CHST9: variants seen among roughly 807,000 people sequenced by gnomAD.
The protein encoded by CHST9 is GalNAc-4-sulfotransferase 2.
CHST9 carries 41 observed loss-of-function variants against 44.4 expected under a neutral mutation model. The ratio of observed to expected loss-of-function variants is 0.92; its 90% CI spans 0.72 to 1.20. The LOEUF (loss-of-function observed/expected upper bound fraction) is 1.20. Ranked by LOEUF, CHST9 falls within the 50% of genes most tolerant of loss-of-function variation. The pLI, the probability that CHST9 is intolerant of heterozygous loss-of-function variation, is 0.00. For synonymous variants in CHST9, 171 were observed against 178.4 expected (o/e 0.96, Z 0.33); for missense variants, 504 against 516.5 (o/e 0.98, Z 0.23).
chr18:27,071,274 C>G (rs1252224759), intron 2 of CHST9, among the ~76,000 whole-genome samples: 2 of 152,154 alleles, frequency 1.3e-5, no homozygotes, highest in Non-Finnish European at 2.9e-5. Flanking sequence ...TGATACACAT[C>G]AGTATTTCAT....
intron 2 of CHST9, among the ~76,000 whole-genome samples, chr18:27,104,705 A>G (rs893109330): frequency 4.6e-5 from 7 of 152,220 alleles, no homozygotes; most frequent in Admixed American, 3.9e-4. Flanking sequence ...CACTTTCCAT[A>G]AACTTTCAAA....
intron 2 of CHST9, among the ~76,000 whole-genome samples, chr18:27,088,628 G>T (rs2058036251): frequency 6.6e-6 from 1 of 151,950 alleles, no homozygotes; most frequent in South Asian, 2.1e-4. Flanking sequence ...TCTTGACCTC[G>T]TGATCTGCCC....
intron 2 of CHST9, among the ~76,000 whole-genome samples, chr18:27,087,850 C>T (rs1442765071): frequency 6.6e-6 from 1 of 152,182 alleles, no homozygotes; most frequent in African/African-American, 2.4e-5. Flanking sequence ...GAGAGCTTCT[C>T]CCGTACACTT....
At chr18:27,008,739 G>A (rs1017933955) in intron 4 of CHST9, among the ~76,000 whole-genome samples, 4 of 151,972 alleles carry the variant, frequency 2.6e-5, no homozygotes, top group Non-Finnish European at 5.9e-5. Context: ...TACCTATCTC[G>A]GTTGCTTTCT....
At chr18:27,033,953 T>C (rs761906538) in intron 3 of CHST9, among the ~76,000 whole-genome samples, 5 of 152,166 alleles carry the variant, frequency 3.3e-5, no homozygotes, top group Admixed American at 2.0e-4. Context: ...CTCCATTACT[T>C]ACATGTCATC....
chr18:26,925,884 T>C (rs2055757504), intron 5 of CHST9: 2 of 152,226 alleles, frequency 1.3e-5, no homozygotes, highest in Non-Finnish European at 1.5e-5. Context: ...TTTTTTATTC[T>C]GCTTTTTTCA....
At chr18:27,052,308 G>A (rs12959984) in intron 2 of CHST9, among the ~76,000 whole-genome samples, 1 of 143,748 alleles carries the variant, frequency 7.0e-6, no homozygotes. Context: ...ATGTATATAT[G>A]TGTGTATATA....
intron 4 of CHST9, among the ~76,000 whole-genome samples, chr18:26,969,366 C>CTGTGTGTGTGTG (rs1247934551): frequency 7.0e-5 from 7 of 99,406 alleles, no homozygotes; most frequent in African/African-American, 4.0e-4. Context: ...TTGATTCTCT[C>CTGTGTGTGTGTG]TCTCTCTCTC....
At chr18:26,961,413 T>A (rs553349383) in intron 4 of CHST9, among the ~76,000 whole-genome samples, 87 of 152,090 alleles carry the variant, frequency 5.7e-4, no homozygotes, top group African/African-American at 2.0e-3. Context: ...ACTTTTAATT[T>A]AAGCACATCT....
intron 4 of CHST9, among the ~76,000 whole-genome samples, chr18:26,951,844 A>G (rs2056252055): frequency 6.6e-6 from 1 of 152,210 alleles, no homozygotes; most frequent in African/African-American, 2.4e-5. Context: ...CAGAGACTTC[A>G]GGGCAGAGAA....
At chr18:27,152,493 C>T (rs2058667150) in intron 1 of CHST9, among the ~76,000 whole-genome samples, 3 of 152,036 alleles carry the variant, frequency 2.0e-5, no homozygotes, top group Admixed American at 2.0e-4. Flanking sequence ...CTGCTTGTTC[C>T]CCATTCTAAA....
At chr18:27,069,912 A>G (rs2057821387) in intron 2 of CHST9, among the ~76,000 whole-genome samples, 1 of 152,222 alleles carries the variant, frequency 6.6e-6, no homozygotes, top group African/African-American at 2.4e-5. Flanking sequence ...AAGAGGTTCA[A>G]AATGAACTGT....
intron 4 of CHST9, among the ~76,000 whole-genome samples, chr18:26,974,816 G>A (rs1426767974): frequency 6.6e-6 from 1 of 152,040 alleles, no homozygotes; most frequent in Non-Finnish European, 1.5e-5. Context: ...TGGGATTACA[G>A]GCGTGTGCCA....
chr18:27,022,490 A>C (rs1040699729), intron 4 of CHST9, among the ~76,000 whole-genome samples: 14 of 152,110 alleles, frequency 9.2e-5, no homozygotes, highest in African/African-American at 2.7e-4. Flanking sequence ...TCTAAACTCC[A>C]ATTATTGTTT....
At chr18:26,977,428 A>G (rs2056637240) in intron 4 of CHST9, among the ~76,000 whole-genome samples, 2 of 107,280 alleles carry the variant, frequency 1.9e-5, no homozygotes, top group Non-Finnish European at 4.8e-5. Flanking sequence ...TCACTTGTAA[A>G]AAAAAAAAAA....
chr18:27,156,324 G>A (rs1372212554), intron 1 of CHST9, among the ~76,000 whole-genome samples: 1 of 151,976 alleles, frequency 6.6e-6, no homozygotes, highest in Non-Finnish European at 1.5e-5. Flanking sequence ...AAAAGAAGAA[G>A]TGTATGTGAG....
intron 2 of CHST9, among the ~76,000 whole-genome samples, chr18:27,066,238 G>T (rs535618340): frequency 6.6e-6 from 1 of 152,296 alleles, no homozygotes; most frequent in East Asian, 1.9e-4. Flanking sequence ...GTAAAATAGC[G>T]AGAGGGCCAG....
Position 26,963,955 on chromosome 18 carries a change from C to G in CHST9, c.203-19589G>C, listed in dbSNP as rs191884196. ...GCATTATCTCTTTCACTTAACACAA[C>G]CTTAAGAAGGAAAGAAAAAGTGATT... On this transcript the variant is annotated intron_variant, in intron 4 of 5. Coordinates refer to ENST00000618847, the MANE Select transcript of CHST9 (RefSeq NM_031422.6). Among the ~76,000 whole-genome samples, 16 of 152,188 alleles carry G rather than the reference C, an allele frequency of 1.1e-4. No homozygotes were observed. In the East Asian group the frequency reaches 2.7e-3, roughly 26 times the overall value.
intron 5 of CHST9, chr18:26,934,332 T>C: frequency 1.3e-5 from 2 of 151,936 alleles, no homozygotes; most frequent in Non-Finnish European, 2.9e-5. Context: ...CCTCCCGGGT[T>C]CACGCCATTC....
Sources: gnomAD v4.1 joint callset for allele counts (sites outside exome capture counted in the v4.1 genomes callset) on GRCh38, gnomAD v4.1.1 for gene constraint, MANE v1.5 for transcripts, NCBI Gene and HGNC (gene_info 2026-07-23, HGNC 2026-07-21) for gene names.